The following BLTP3B variants were observed in gnomAD, a reference collection of about 807,000 sequenced individuals.
The protein encoded by BLTP3B is UHRF1 (ICBP90) binding protein 1-like.
the BLTP3B span, chr12:100,058,580 A>G: frequency 6.2e-7 from 1 of 1,612,848 alleles, no homozygotes; most frequent in African/African-American, 1.3e-5. Flanking sequence ...CATTTTCTGT[A>G]GGCAAATAAT....
chr12:100,092,303 T>G, the BLTP3B span, among the ~76,000 whole-genome samples: 2 of 152,246 alleles, frequency 1.3e-5, no homozygotes, highest in Non-Finnish European at 2.9e-5. Context: ...CTGTGTGATA[T>G]CTGAAGTAGT....
the BLTP3B span, among the ~76,000 whole-genome samples, chr12:100,121,644 A>G: frequency 3.0e-4 from 46 of 152,260 alleles, no homozygotes; most frequent in African/African-American, 1.1e-3. Flanking sequence ...CAGTCTGACC[A>G]ACATGGTGAA....
At chr12:100,092,474 C>T in the BLTP3B span, among the ~76,000 whole-genome samples, 1 of 152,246 alleles carries the variant, frequency 6.6e-6, no homozygotes, top group African/African-American at 2.4e-5. Flanking sequence ...AGTACATATG[C>T]TGGGGCAAAA....
At chr12:100,068,701 G>A in the BLTP3B span, among the ~76,000 whole-genome samples, 23 of 152,234 alleles carry the variant, frequency 1.5e-4, no homozygotes, top group Admixed American at 1.1e-3. Context: ...TGAGTAGACA[G>A]TTCTCAAAAG....
At chr12:100,108,115 T>C in the BLTP3B span, among the ~76,000 whole-genome samples, 1 of 152,024 alleles carries the variant, frequency 6.6e-6, no homozygotes, top group East Asian at 1.9e-4. Context: ...ATGTACCAAA[T>C]GGATGCAATT....
chr12:100,050,412 T>TA, the BLTP3B span: 1 of 1,193,160 alleles, frequency 8.4e-7, no homozygotes, highest in Non-Finnish European at 1.1e-6. Context: ...CCTCTAAAAA[T>TA]ACAATTGTGA....
At chr12:100,115,588 A>C in the BLTP3B span, among the ~76,000 whole-genome samples, 5 of 152,080 alleles carry the variant, frequency 3.3e-5, no homozygotes, top group Admixed American at 1.3e-4. Flanking sequence ...TGGGCAACAT[A>C]GTGAGACCTT....
chr12:100,095,009 T>C, the BLTP3B span, among the ~76,000 whole-genome samples: 3 of 152,202 alleles, frequency 2.0e-5, no homozygotes, highest in Non-Finnish European at 4.4e-5. Flanking sequence ...GAGGTAGATA[T>C]AAAAATTCAT....
At chr12:100,086,286 T>A in the BLTP3B span, 1 of 1,505,112 alleles carries the variant, frequency 6.6e-7, no homozygotes, top group South Asian at 1.3e-5. Flanking sequence ...TGCTTTATGA[T>A]AAGGATAATA....
the BLTP3B span, among the ~76,000 whole-genome samples, chr12:100,042,739 C>T: frequency 6.2e-4 from 95 of 152,264 alleles, no homozygotes; most frequent in Middle Eastern, 0.01. Context: ...AACCTTGAGG[C>T]GTGAGCAAAA....
chr12:100,090,041 C>T, the BLTP3B span, among the ~76,000 whole-genome samples: 1 of 152,138 alleles, frequency 6.6e-6, no homozygotes, highest in Non-Finnish European at 1.5e-5. Context: ...CCTTTCACCA[C>T]GATTACGAGG....
the BLTP3B span, among the ~76,000 whole-genome samples, chr12:100,083,962 G>A: frequency 6.6e-6 from 1 of 152,148 alleles, no homozygotes; most frequent in South Asian, 2.1e-4. Flanking sequence ...GCTGAGGTGG[G>A]CAGATCACTT....
At chr12:100,080,475 A>T in the BLTP3B span, among the ~76,000 whole-genome samples, 3 of 151,948 alleles carry the variant, frequency 2.0e-5, no homozygotes, top group Admixed American at 1.3e-4. Flanking sequence ...TCAGCGTGAC[A>T]TGTATGTGAA....
At chr12:100,119,990 G>T in the BLTP3B span, among the ~76,000 whole-genome samples, 31 of 152,266 alleles carry the variant, frequency 2.0e-4, no homozygotes, top group Middle Eastern at 6.8e-3. Flanking sequence ...ACCATAGACT[G>T]GGAAAAAATA....
chr12:100,064,462 G>C, the BLTP3B span, among the ~76,000 whole-genome samples: 45 of 152,254 alleles, frequency 3.0e-4, no homozygotes, highest in African/African-American at 9.4e-4. Context: ...ATCACAAAAA[G>C]ATGATTGCCT....
the BLTP3B span, among the ~76,000 whole-genome samples, chr12:100,133,249 T>A: frequency 1.3e-5 from 2 of 151,894 alleles, no homozygotes; most frequent in South Asian, 2.1e-4. Flanking sequence ...CTCAAAAAAA[T>A]AAATAAATAA....
the BLTP3B span, chr12:100,059,335 C>G: frequency 1.2e-6 from 2 of 1,613,920 alleles, no homozygotes; most frequent in Non-Finnish European, 1.7e-6. Flanking sequence ...TTAAAATTGT[C>G]ACAAGATTTG....
the BLTP3B span, chr12:100,089,233 T>TAGGG: frequency 1.3e-6 from 1 of 744,378 alleles, no homozygotes; most frequent in Non-Finnish European, 1.9e-6. Flanking sequence ...ATATTTTCCC[T>TAGGG]AAAATATTTT....
chr12:100,071,472 G>C, the BLTP3B span, among the ~76,000 whole-genome samples: 3 of 141,214 alleles, frequency 2.1e-5, no homozygotes, highest in Non-Finnish European at 4.5e-5. Context: ...ACTCCAGCCT[G>C]GGTGACAGAG....
Sources: gnomAD v4.1 joint callset for allele counts (sites outside exome capture counted in the v4.1 genomes callset) on GRCh38, gnomAD v4.1.1 for gene constraint, MANE v1.5 for transcripts, NCBI Gene and HGNC (gene_info 2026-07-23, HGNC 2026-07-21) for gene names.